MRPL1: variants seen among roughly 807,000 people sequenced by gnomAD.
The protein encoded by MRPL1 is large ribosomal subunit protein uL1m.
MRPL1 carries 28 observed loss-of-function variants against 38.0 expected under a neutral mutation model. That is an observed-to-expected ratio of 0.74 (90% CI 0.55 to 1.01). The LOEUF is 1.01. Ranked by LOEUF, MRPL1 falls within the 50% of genes least tolerant of loss-of-function variation. MRPL1 has a pLI of 0.00. For synonymous variants in MRPL1, 123 were observed against 126.7 expected (o/e 0.97, Z 0.20); for missense variants, 358 against 389.8 (o/e 0.92, Z 0.69).
chr4:77,905,266 G>A (rs1207350529), intron 6 of MRPL1, among the ~76,000 whole-genome samples: 3 of 152,066 alleles, frequency 2.0e-5, no homozygotes, highest in Non-Finnish European at 4.4e-5. Flanking sequence ...GGAGGCCGAG[G>A]CAGGAGGATC....
intron 2 of MRPL1, among the ~76,000 whole-genome samples, chr4:77,881,428 C>A (rs1391100183): frequency 6.6e-6 from 1 of 151,314 alleles, no homozygotes; most frequent in African/African-American, 2.4e-5. Context: ...CTCCTTTTCC[C>A]ATCTTCAATA....
At chr4:77,920,995 G>GT (rs1393482418) in intron 7 of MRPL1, among the ~76,000 whole-genome samples, 2 of 152,124 alleles carry the variant, frequency 1.3e-5, no homozygotes, top group African/African-American at 2.4e-5. Context: ...CTGGCTTCAA[G>GT]TGATCTGCCC....
chr4:77,926,971 CT>C (rs1736727899), intron 7 of MRPL1, among the ~76,000 whole-genome samples: 1 of 151,986 alleles, frequency 6.6e-6, no homozygotes, highest in Non-Finnish European at 1.5e-5. Flanking sequence ...CCCATGTTCT[CT>C]TTACCTTTTT....
intron 2 of MRPL1, among the ~76,000 whole-genome samples, chr4:77,874,282 G>A (rs1426897027): frequency 6.6e-6 from 1 of 152,044 alleles, no homozygotes; most frequent in Non-Finnish European, 1.5e-5. Flanking sequence ...TACCGCACCC[G>A]GACCGCCTGC....
intron 5 of MRPL1, among the ~76,000 whole-genome samples, chr4:77,891,291 A>G (rs1490349137): frequency 3.3e-5 from 5 of 151,290 alleles, no homozygotes; most frequent in African/African-American, 9.7e-5. Flanking sequence ...TTCTTCTTGC[A>G]ACCACTAAAG....
At chr4:77,942,428 G>A (rs1737157953) in intron 7 of MRPL1, among the ~76,000 whole-genome samples, 1 of 152,082 alleles carries the variant, frequency 6.6e-6, no homozygotes, top group African/African-American at 2.4e-5. Flanking sequence ...TTGACTTTCT[G>A]TCTTGATGGC....
chr4:77,884,021 A>T (rs1320046198), intron 3 of MRPL1, among the ~76,000 whole-genome samples: 1 of 152,214 alleles, frequency 6.6e-6, no homozygotes, highest in Non-Finnish European at 1.5e-5. Flanking sequence ...GTTAACATAG[A>T]TTTCCTATTT....
At chr4:77,872,457 T>G (rs1578037445) in intron 2 of MRPL1, among the ~76,000 whole-genome samples, 1 of 152,074 alleles carries the variant, frequency 6.6e-6, no homozygotes, top group African/African-American at 2.4e-5. Context: ...TTTGGCTGGG[T>G]ATGGTGGCTT....
At chr4:77,884,091 A>G (rs1156568257) in intron 3 of MRPL1, among the ~76,000 whole-genome samples, 2 of 152,154 alleles carry the variant, frequency 1.3e-5, no homozygotes, top group Non-Finnish European at 2.9e-5. Context: ...TAACGGAGGT[A>G]TCACTGTAAC....
rs574421143 is a variant in MRPL1, at chr4:77,923,723, G to A, written c.777+14351G>A. On this transcript the variant is annotated intron_variant, in intron 7 of 8. Coordinates refer to ENST00000315567, the MANE Select transcript of MRPL1 (RefSeq NM_020236.4). ...GGCTGAGGCAGATGGATTACTTGAGGCCAGGAGTTCAAGACCAGCCTGGCC... is the reference window on the plus strand; with the variant it reads ...GGCTGAGGCAGATGGATTACTTGAGACCAGGAGTTCAAGACCAGCCTGGCC... Among the ~76,000 whole-genome samples the A allele has an allele frequency of 2.9e-4, 44 of 152,080 alleles. 2 individuals carry two copies. In the South Asian group the frequency reaches 8.9e-3, roughly 31 times the overall value.
intron 1 of MRPL1, among the ~76,000 whole-genome samples, chr4:77,869,462 GCTA>G (rs1735227027): frequency 6.6e-6 from 1 of 152,176 alleles, no homozygotes; most frequent in Non-Finnish European, 1.5e-5. Flanking sequence ...ATCTAACAGT[GCTA>G]CTTAAATAGT....
At chr4:77,881,234 G>C (rs1220248653) in intron 2 of MRPL1, among the ~76,000 whole-genome samples, 1 of 152,026 alleles carries the variant, frequency 6.6e-6, no homozygotes, top group Non-Finnish European at 1.5e-5. Flanking sequence ...AAAGAATTGG[G>C]ACCAATGATA....
intron 7 of MRPL1, among the ~76,000 whole-genome samples, chr4:77,939,607 T>C (rs774666399): frequency 2.8e-4 from 43 of 152,184 alleles, no homozygotes; most frequent in Non-Finnish European, 4.9e-4. Context: ...GGACATGAAG[T>C]CATTGCCTAA....
chr4:77,910,667 A>G (rs1736267546), intron 7 of MRPL1, among the ~76,000 whole-genome samples: 1 of 152,202 alleles, frequency 6.6e-6, no homozygotes, highest in Non-Finnish European at 1.5e-5. Context: ...CTATGCTGAA[A>G]TAATCCTCCC....
chr4:77,917,212 T>C (rs1200088061), intron 7 of MRPL1, among the ~76,000 whole-genome samples: 2 of 152,170 alleles, frequency 1.3e-5, no homozygotes, highest in Admixed American at 1.3e-4. Context: ...CTTTTTTGTG[T>C]ATGCAGTCTC....
At chr4:77,870,430 T>G (rs1735253691) in intron 1 of MRPL1, among the ~76,000 whole-genome samples, 1 of 152,188 alleles carries the variant, frequency 6.6e-6, no homozygotes, top group South Asian at 2.1e-4. Flanking sequence ...CACTCAGCAA[T>G]AAAATCTTTA....
chr4:77,889,406 A>G (rs1735756192), intron 5 of MRPL1, among the ~76,000 whole-genome samples: 1 of 152,238 alleles, frequency 6.6e-6, no homozygotes, highest in East Asian at 1.9e-4. Context: ...AAATGAAGGC[A>G]GAAATAAAGA....
At chr4:77,941,298 A>G (rs767414350) in intron 7 of MRPL1, among the ~76,000 whole-genome samples, 1 of 150,924 alleles carries the variant, frequency 6.6e-6, no homozygotes, top group Non-Finnish European at 1.5e-5. Context: ...TTTTGCATCT[A>G]TATTCGTCAG....
At chr4:77,932,903 A>G (rs534995489) in intron 7 of MRPL1, among the ~76,000 whole-genome samples, 74 of 151,950 alleles carry the variant, frequency 4.9e-4, no homozygotes, top group Non-Finnish European at 9.1e-4. Context: ...AGGCACAGGT[A>G]TCTAAAACTT....
Sources: gnomAD v4.1 joint callset for allele counts (sites outside exome capture counted in the v4.1 genomes callset) on GRCh38, gnomAD v4.1.1 for gene constraint, MANE v1.5 for transcripts, NCBI Gene and HGNC (gene_info 2026-07-23, HGNC 2026-07-21) for gene names.